The following STON2 variants were observed in gnomAD, a reference collection of about 807,000 sequenced individuals.
STON2 encodes stonin 2.
A neutral mutation model predicts 65.7 loss-of-function variants in STON2; 29 were observed. That is an observed-to-expected ratio of 0.44 (90% CI 0.33 to 0.60). STON2 has a LOEUF of 0.60. Ranked by LOEUF, STON2 falls within the 20% of genes least tolerant of loss-of-function variation. The probability of loss-of-function intolerance (pLI) is 0.03; values close to 1 mark genes in which losing one functional copy is unlikely to be tolerated. For missense variants in STON2, 1,054 were observed against 1,118.1 expected, an observed-to-expected ratio of 0.94 and a Z score of 0.82; for synonymous variants, 404 against 414.2, an observed-to-expected ratio of 0.98 and a Z score of 0.30.
chr14:81,364,270 A>G (rs931364496), intron 4 of STON2, among the ~76,000 whole-genome samples: 1 of 152,136 alleles, frequency 6.6e-6, no homozygotes, highest in African/African-American at 2.4e-5. Context: ...TTTAAAGCCT[A>G]TGAGGGTTTA....
rs73339712 is a variant in STON2 at position 81,328,395 on chromosome 14, A to T, written c.572-4208T>A. On this transcript the variant is annotated intron_variant, in intron 4 of 7. Coordinates refer to ENST00000614646, the MANE Select transcript of STON2 (RefSeq NM_001394390.1). ...CCAGGTTCAATTATCCCAGTCAGCT[A>T]TTTTGAAAGTAAGTACTACTGGTAA... is the stretch of plus-strand genomic sequence containing the variant. 9.8e-3 allele frequency among the ~76,000 whole-genome samples: 1,500 copies of T among 152,314 alleles called. 34 individuals are homozygous for T. The highest frequency in any genetic ancestry group is 0.034 in the African/African-American group (1,416 of 41,560).
intron 5 of STON2, among the ~76,000 whole-genome samples, chr14:81,310,621 T>C (rs1019406313): frequency 6.6e-6 from 1 of 152,204 alleles, no homozygotes; most frequent in Non-Finnish European, 1.5e-5. Flanking sequence ...CTTACTATAT[T>C]CCAGGCCCTA....
At chr14:81,359,638 G>GA (rs1246845126) in intron 4 of STON2, among the ~76,000 whole-genome samples, 1 of 151,922 alleles carries the variant, frequency 6.6e-6, no homozygotes. Flanking sequence ...GCTAGACTAA[G>GA]AAAAAATGGA....
At chr14:81,310,056 A>G (rs1229352071) in intron 5 of STON2, among the ~76,000 whole-genome samples, 1 of 152,302 alleles carries the variant, frequency 6.6e-6, no homozygotes, top group African/African-American at 2.4e-5. Flanking sequence ...CTTTAAAGTG[A>G]GGGGGCTGGA....
chr14:81,421,848 CAGA>C (rs1901720102), intron 2 of STON2, among the ~76,000 whole-genome samples: 1 of 152,076 alleles, frequency 6.6e-6, no homozygotes, highest in Non-Finnish European at 1.5e-5. Context: ...ATTTAGAGCT[CAGA>C]AGAAGAGAGA....
rs1900290231 is a variant in STON2 at position 81,395,919 on chromosome 14, T to C, written c.348A>G (p.Pro116=). ...EDDTPWASTS[P]PHQETAETAL... ...CTGTCTCAGCTGTTTCCTGATGAGG[T>C]GGAGATGTGCTGGCCCAGGGTGTGT... Residue 116 remains proline (P), a synonymous_variant, in exon 3 of 8, where the codon CCA becomes CCG. Coordinates refer to ENST00000614646, the MANE Select transcript of STON2 (RefSeq NM_001394390.1). 6.2e-7 allele frequency: 1 copy of C among 1,613,862 alleles called. No homozygotes were observed. The highest frequency in any genetic ancestry group is 8.5e-7 in the Non-Finnish European group (1 of 1,179,946).
upstream of STON2, among the ~76,000 whole-genome samples, chr14:81,405,080 A>G (rs892936192): frequency 2.6e-5 from 4 of 152,132 alleles, no homozygotes; most frequent in African/African-American, 9.7e-5. Context: ...CTTAGAACTC[A>G]TTTTACTCGA....
intron 4 of STON2, among the ~76,000 whole-genome samples, chr14:81,338,927 G>C (rs955367241): frequency 3.3e-5 from 5 of 152,170 alleles, no homozygotes; most frequent in African/African-American, 1.2e-4. Context: ...GCTGAACCTG[G>C]ACAGAAAAGC....
chr14:81,374,954 A>G (rs1899181405), intron 3 of STON2, among the ~76,000 whole-genome samples: 1 of 152,206 alleles, frequency 6.6e-6, no homozygotes, highest in Non-Finnish European at 1.5e-5. Context: ...GACCAAAAAC[A>G]AAGAGAAGAT....
intron 4 of STON2, among the ~76,000 whole-genome samples, chr14:81,337,217 C>T (rs74524161): frequency 0.013 from 1,940 of 152,276 alleles, 37 homozygotes; most frequent in African/African-American, 0.044. Context: ...CTGTATACTA[C>T]TATGGGTAAC....
At chr14:81,363,085 C>T (rs1051062497) in intron 4 of STON2, among the ~76,000 whole-genome samples, 2 of 152,214 alleles carry the variant, frequency 1.3e-5, no homozygotes, top group South Asian at 2.1e-4. Context: ...ATACCAGGCA[C>T]AGGGCAGGGT....
intron 4 of STON2, among the ~76,000 whole-genome samples, chr14:81,357,542 A>C (rs372953122): frequency 0.017 from 2,505 of 151,582 alleles, 42 homozygotes; most frequent in South Asian, 0.074. Flanking sequence ...CAGCCATCCC[A>C]TTACTGGGTA....
At chr14:81,421,656 T>C (rs940986396) in intron 2 of STON2, among the ~76,000 whole-genome samples, 88 of 152,182 alleles carry the variant, frequency 5.8e-4, no homozygotes, top group African/African-American at 2.1e-3. Flanking sequence ...AGTAGGTGGA[T>C]GAAAAAAACC....
chr14:81,315,878 G>A (rs1448654707), intron 5 of STON2, among the ~76,000 whole-genome samples: 3 of 152,138 alleles, frequency 2.0e-5, no homozygotes, highest in Admixed American at 6.5e-5. Flanking sequence ...CCATGTATAC[G>A]GGAGACAATA....
intron 1 of STON2, among the ~76,000 whole-genome samples, chr14:81,434,340 C>A (rs979042143): frequency 6.6e-6 from 1 of 152,172 alleles, no homozygotes; most frequent in African/African-American, 2.4e-5. Flanking sequence ...ACACATCTCT[C>A]TTACTACCCC....
At chr14:81,333,960 G>A (rs1350197497) in intron 4 of STON2, among the ~76,000 whole-genome samples, 6 of 152,180 alleles carry the variant, frequency 3.9e-5, no homozygotes, top group Admixed American at 2.0e-4. Flanking sequence ...AGAGGCAGGT[G>A]GTTAAATACA....
At chr14:81,424,302 G>A (rs1241709213) in intron 2 of STON2, among the ~76,000 whole-genome samples, 1 of 152,074 alleles carries the variant, frequency 6.6e-6, no homozygotes, top group Non-Finnish European at 1.5e-5. Flanking sequence ...AAATTAGCTG[G>A]GAGTGGTGGC....
rs748642462 is a variant in STON2, at chr14:81,341,446, G to GTTTTTT, written c.572-17265_572-17260dup. 1.3e-4 allele frequency among the ~76,000 whole-genome samples: 15 copies of GTTTTTT among 115,748 alleles called. 1 individual carries two copies. The highest frequency in any genetic ancestry group is 5.6e-4 in the African/African-American group (14 of 24,942). 75.9% of individuals were successfully genotyped at this position (115,748 alleles called of 152,430 possible). A position where few individuals can be genotyped will look rare whatever the true frequency, so the allele number is the denominator to read the frequency against. On this transcript the variant is annotated intron_variant, in intron 4 of 7. Transcript: ENST00000614646. Reference sequence around the variant, plus strand: ...CTTTATATTTCCTCATTTTATAAGTGTTTTTTTTTTGTTTTTTTTTTTTCC... The same window carrying GTTTTTT: ...CTTTATATTTCCTCATTTTATAAGTGTTTTTTTTTTTTTTTTGTTTTTTTTTTTTCC...
chr14:81,347,927 T>TA (rs1245406872), intron 4 of STON2, among the ~76,000 whole-genome samples: 1 of 97,772 alleles, frequency 1.0e-5, no homozygotes, highest in Non-Finnish European at 2.2e-5. Flanking sequence ...AAAAAAAAGA[T>TA]AATAAAGTAG....
Sources: gnomAD v4.1 joint callset for allele counts (sites outside exome capture counted in the v4.1 genomes callset) on GRCh38, gnomAD v4.1.1 for gene constraint, MANE v1.5 for transcripts, NCBI Gene and HGNC (gene_info 2026-07-23, HGNC 2026-07-21) for gene names.